The following KIAA1217 variants were observed in gnomAD, a reference collection of about 807,000 sequenced individuals.
KIAA1217 encodes the protein sickle tail protein homolog.
In KIAA1217, 88 loss-of-function variants were observed where a neutral mutation model predicts 163.9. That is an observed-to-expected ratio of 0.54 (90% CI 0.45 to 0.64). KIAA1217 has a LOEUF of 0.64. Ranked by LOEUF, KIAA1217 falls within the 30% of genes least tolerant of loss-of-function variation. The probability of loss-of-function intolerance (pLI) is 0.00; values close to 1 mark genes in which losing one functional copy is unlikely to be tolerated. For missense variants in KIAA1217, 2,372 were observed against 2,475.0 expected, an observed-to-expected ratio of 0.96 and a Z score of 0.88; for synonymous variants, 903 against 923.1, an observed-to-expected ratio of 0.98 and a Z score of 0.39.
At chr10:24,173,435 A>C (rs1262042423) in intron 2 of KIAA1217, among the ~76,000 whole-genome samples, 1 of 152,210 alleles carries the variant, frequency 6.6e-6, no homozygotes. Flanking sequence ...ATGCACTTGA[A>C]TCATCCTCAA....
intron 2 of KIAA1217, among the ~76,000 whole-genome samples, chr10:24,169,482 C>T (rs1043347832): frequency 3.3e-5 from 5 of 151,626 alleles, no homozygotes; most frequent in African/African-American, 9.7e-5. Flanking sequence ...TTGTCTTCAC[C>T]ACCAGAAGGC....
intron 1 of KIAA1217, among the ~76,000 whole-genome samples, chr10:23,945,729 A>G (rs1844001024): frequency 6.6e-6 from 1 of 152,182 alleles, no homozygotes; most frequent in Admixed American, 6.5e-5. Flanking sequence ...ATTTGCTGGA[A>G]CCTGGAAATG....
intron 1 of KIAA1217, among the ~76,000 whole-genome samples, chr10:23,698,676 G>A (rs1836206701): frequency 6.6e-6 from 1 of 152,162 alleles, no homozygotes; most frequent in African/African-American, 2.4e-5. Context: ...CATTTCCCAG[G>A]ATCACACTCA....
At chr10:24,462,254 T>G (rs952033467) in intron 5 of KIAA1217, among the ~76,000 whole-genome samples, 2 of 152,046 alleles carry the variant, frequency 1.3e-5, no homozygotes, top group African/African-American at 4.8e-5. Context: ...AAAACCTAAT[T>G]GTAAGTCAAG....
intron 8 of KIAA1217, among the ~76,000 whole-genome samples, 154 bp from the exon 9 acceptor site, chr10:24,501,225 T>C (rs1419526853): frequency 6.6e-6 from 1 of 152,210 alleles, no homozygotes; most frequent in East Asian, 1.9e-4. Flanking sequence ...GCACACTGCA[T>C]ACCATAACAC....
chr10:24,262,576 C>T (rs999399861), intron 2 of KIAA1217, among the ~76,000 whole-genome samples: 1 of 149,504 alleles, frequency 6.7e-6, no homozygotes, highest in Non-Finnish European at 1.5e-5. Flanking sequence ...GCAGTGAGCC[C>T]AGATCACACA....
At chr10:24,057,436 T>G (rs560693067) in intron 2 of KIAA1217, among the ~76,000 whole-genome samples, 4 of 152,170 alleles carry the variant, frequency 2.6e-5, no homozygotes, top group Non-Finnish European at 5.9e-5. Context: ...CATTTGTCTC[T>G]CCCCTCAATC....
Position 24,531,945 on chromosome 10 carries a change from G to C in KIAA1217, c.3198G>C (p.Arg1066Ser). ...CAGGATCGGGACTCACCACCACGAG[G>C]TCAGGCGATGTGGTCTACACCGGCA... ...YLPGSGLTTT[R>S]SGDVVYTGRK... Residue 1066 changes from arginine to serine, a missense_variant, in exon 15 of 21, where the codon AGG becomes AGC. Transcript: ENST00000376454. The C allele has an allele frequency of 6.2e-7, 1 of 1,609,516 alleles. No homozygotes were observed. Among genetic ancestry groups the C allele is most frequent in the Non-Finnish European group, 8.5e-7 (1 of 1,177,280 alleles).
At chr10:24,053,082 G>C (rs556306318) in intron 2 of KIAA1217, among the ~76,000 whole-genome samples, 2 of 152,264 alleles carry the variant, frequency 1.3e-5, no homozygotes, top group South Asian at 4.1e-4. Flanking sequence ...AAGTCTGCCT[G>C]CATGGTTTTC....
intron 1 of KIAA1217, among the ~76,000 whole-genome samples, chr10:24,006,282 T>C (rs1394334031): frequency 1.3e-5 from 2 of 152,208 alleles, no homozygotes; most frequent in African/African-American, 4.8e-5. Flanking sequence ...TAAATGATGG[T>C]CAAAACTCAA....
intron 2 of KIAA1217, among the ~76,000 whole-genome samples, chr10:24,271,412 T>G (rs1242736715): frequency 6.6e-6 from 1 of 152,132 alleles, no homozygotes; most frequent in Non-Finnish European, 1.5e-5. Context: ...CAGTTCTGAC[T>G]ATAACCAATT....
At chr10:24,400,748 A>C (rs2056430694) in intron 3 of KIAA1217, among the ~76,000 whole-genome samples, 1 of 152,152 alleles carries the variant, frequency 6.6e-6, no homozygotes, top group Non-Finnish European at 1.5e-5. Context: ...AGGAAATCTC[A>C]CAATCTGAGG....
intron 2 of KIAA1217, among the ~76,000 whole-genome samples, chr10:24,034,475 A>T (rs1466987476): frequency 1.3e-5 from 2 of 151,420 alleles, no homozygotes; most frequent in Admixed American, 1.3e-4. Flanking sequence ...AGGTGGGAGG[A>T]TCACCTGAGC....
chr10:24,358,805 G>C (rs1167521836), intron 2 of KIAA1217, among the ~76,000 whole-genome samples: 4 of 152,172 alleles, frequency 2.6e-5, no homozygotes, highest in Non-Finnish European at 4.4e-5. Flanking sequence ...AAATAATCTT[G>C]TCACCCTTCA....
Position 24,542,720 on chromosome 10 carries a change from C to T in KIAA1217, c.3562C>T (p.Arg1188Trp), listed in dbSNP as rs202157298. 38 of 1,613,952 alleles carry T rather than the reference C, an allele frequency of 2.4e-5. No homozygotes were observed. Among genetic ancestry groups the T allele is most frequent in the East Asian group, 2.2e-4 (10 of 44,892 alleles). Residue 1188 changes from arginine to tryptophan, a missense_variant, in exon 18 of 21, where the codon CGG (arginine) becomes TGG (tryptophan). Transcript: ENST00000376454. ...KNLEFFHEDV[R>W]KSDVEYENGP... Reference sequence around the variant, plus strand: ...TTTGGAATTTTTCCATGAAGATGTACGGAAATCTGATGTTGAATATGAAAA... The same window carrying T: ...TTTGGAATTTTTCCATGAAGATGTATGGAAATCTGATGTTGAATATGAAAA...
intron 2 of KIAA1217, among the ~76,000 whole-genome samples, chr10:24,203,170 G>T (rs1235781197): frequency 7.3e-6 from 1 of 136,186 alleles, no homozygotes; most frequent in African/African-American, 2.7e-5. Context: ...CTGGGTGGTG[G>T]AGTAAAAACT....
At chr10:24,099,586 T>TATATATATATATATATTA (rs1306527831) in intron 2 of KIAA1217, among the ~76,000 whole-genome samples, 2 of 143,448 alleles carry the variant, frequency 1.4e-5, no homozygotes, top group East Asian at 2.1e-4. Flanking sequence ...TATATATATA[T>TATATATATATATATATTA]TATATATATA....
intron 2 of KIAA1217, among the ~76,000 whole-genome samples, chr10:24,351,913 A>G (rs988525573): frequency 1.3e-5 from 2 of 152,140 alleles, no homozygotes; most frequent in Non-Finnish European, 2.9e-5. Flanking sequence ...TCCACAAGCC[A>G]CCACCCTGCT....
chr10:24,051,965 C>T (rs945339351), intron 2 of KIAA1217, among the ~76,000 whole-genome samples: 1 of 151,944 alleles, frequency 6.6e-6, no homozygotes, highest in Non-Finnish European at 1.5e-5. Context: ...TAATTAGGTC[C>T]CATTTATTTA....
Sources: allele counts gnomAD v4.1 joint callset (sites outside exome capture counted in the v4.1 genomes callset), GRCh38; gene constraint gnomAD v4.1.1; transcripts MANE v1.5; gene names NCBI Gene and HGNC (gene_info 2026-07-23, HGNC 2026-07-21).